Variants in PCDHA2 observed in about 807,000 individuals in gnomAD.
PCDHA2 encodes protocadherin alpha-2.
PCDHA2 carries 58 observed loss-of-function variants against 66.0 expected under a neutral mutation model. That is an observed-to-expected ratio of 0.88 (90% CI 0.71 to 1.09). The LOEUF is 1.09. Among genes scored for constraint, PCDHA2 ranks in the 50% least tolerant of loss-of-function variants. The pLI is 0.00. For missense variants in PCDHA2, 1,267 were observed against 1,242.3 expected, an observed-to-expected ratio of 1.02 and a Z score of -0.30; for synonymous variants, 634 against 554.0, an observed-to-expected ratio of 1.14 and a Z score of -2.03.
chr5:140,973,631 A>G (rs1554235456), intron 1 of PCDHA2, among the ~76,000 whole-genome samples: 1 of 152,210 alleles, frequency 6.6e-6, no homozygotes, highest in African/African-American at 2.4e-5. Flanking sequence ...TGTATCTTGT[A>G]CACATTCTGA....
At chr5:140,809,122 C>T (rs1764370470) in intron 1 of PCDHA2, 7 of 1,613,994 alleles carry the variant, frequency 4.3e-6, no homozygotes, top group Non-Finnish European at 5.9e-6. Flanking sequence ...CTCCGCGCCA[C>T]CGCCTACTGG....
At chr5:140,998,906 AG>A (rs1267220398) in intron 3 of PCDHA2, among the ~76,000 whole-genome samples, 10 of 152,208 alleles carry the variant, frequency 6.6e-5, no homozygotes, top group Non-Finnish European at 1.5e-5. Context: ...TGCCTCCGGG[AG>A]GTAGCTATTA....
Position 140,875,195 on chromosome 5 carries a change from G to A in PCDHA2, c.2388+77843G>A, listed in dbSNP as rs1554167540. On this transcript the variant is annotated intron_variant, in intron 1 of 3. Transcript: ENST00000526136. ...AACATTAGAATTAAGAGTGACCCAG[G>A]AAGTGGCTAAACCGAAAAGAACCTC... is the stretch of plus-strand genomic sequence containing the variant. The A allele has an allele frequency of 1.5e-5, 8 of 526,354 alleles. No individual in the cohort carries two copies. The Admixed American group carries it at 1.6e-4, about 10-fold the overall frequency. 32.6% of individuals were successfully genotyped at this position (526,354 alleles called of 1,614,324 possible). A position where few individuals can be genotyped will look rare whatever the true frequency, so the allele number is the denominator to read the frequency against.
chr5:140,970,425 C>T (rs1554232453), intron 1 of PCDHA2, among the ~76,000 whole-genome samples: 1 of 151,722 alleles, frequency 6.6e-6, no homozygotes, highest in Non-Finnish European at 1.5e-5. Flanking sequence ...GGTGTAGAGG[C>T]AGGTGTTAGT....
At chr5:140,802,031 G>A (rs1762832590) in intron 1 of PCDHA2, 2 of 1,614,152 alleles carry the variant, frequency 1.2e-6, no homozygotes, top group Non-Finnish European at 1.7e-6. Context: ...AGGATATCGC[G>A]TATTCTTTCA....
chr5:140,833,743 A>G (rs1554133938), intron 1 of PCDHA2, among the ~76,000 whole-genome samples: 1 of 114,690 alleles, frequency 8.7e-6, no homozygotes, highest in African/African-American at 3.3e-5. Flanking sequence ...CTTGCCTCCT[A>G]AAAAGAAAAC....
In PCDHA2 at chr5:140,876,415, G is replaced by C. The variant is rs782679956; in HGVS notation, c.2388+79063G>C. 3 of 1,613,842 alleles carry C rather than the reference G, an allele frequency of 1.9e-6. No individual in the cohort carries two copies. The African/African-American group carries it at 4.0e-5, about 22-fold the overall frequency. On this transcript the variant is annotated intron_variant, in intron 1 of 3. Transcript: ENST00000526136. ...TGAACTGGATTTTGAAGAGAATAATGCCTATGAAATTCAGGTTAACGCCAT... is the reference window on the plus strand; with the variant it reads ...TGAACTGGATTTTGAAGAGAATAATCCCTATGAAATTCAGGTTAACGCCAT...
rs1421975943 is a variant in PCDHA2 at position 140,853,700 on chromosome 5, G to A, written c.2388+56348G>A. 8.1e-6 allele frequency: 8 copies of A among 987,678 alleles called. 1 individual carries two copies. Among genetic ancestry groups the A allele is most frequent in the Admixed American group, 6.3e-5 (1 of 15,866 alleles). The allele number at this position is 987,678 out of a possible 1,614,324, so 61.2% of individuals were successfully genotyped here. The stretch of plus-strand genomic sequence containing the variant: ...TCAACCTATCCTTAGACCTGCTAAC[G>A]CATTAGCATTAGCAGCACCTAAGTC... On this transcript the variant is annotated intron_variant, in intron 1 of 3. Coordinates refer to ENST00000526136, the MANE Select transcript of PCDHA2 (RefSeq NM_018905.3).
intron 1 of PCDHA2, chr5:140,877,636 C>T (rs1554169939): frequency 1.2e-6 from 2 of 1,613,640 alleles, no homozygotes; most frequent in Admixed American, 1.7e-5. Context: ...CACTGCGCTG[C>T]GTTGCTCAGC....
At chr5:140,987,124 G>T (rs2097230182) in intron 3 of PCDHA2, among the ~76,000 whole-genome samples, 1 of 151,678 alleles carries the variant, frequency 6.6e-6, no homozygotes, top group Non-Finnish European at 1.5e-5. Flanking sequence ...TGAGGCAGGA[G>T]AATTGCTTGA....
intron 1 of PCDHA2, among the ~76,000 whole-genome samples, chr5:140,890,187 CAG>C (rs2062529084): frequency 1.3e-5 from 2 of 152,228 alleles, no homozygotes; most frequent in South Asian, 4.1e-4. Context: ...TGCTACAAAA[CAG>C]AGTTTTTTGT....
At position 140,870,131 on chromosome 5, in the gene PCDHA2, A is replaced by G. The variant is rs782486118; in HGVS notation, c.2388+72779A>G. The G allele has an allele frequency of 2.6e-5, 42 of 1,613,870 alleles. No individual in the cohort carries two copies. In the Admixed American group the frequency reaches 4.2e-4, roughly 16 times the overall value. On this transcript the variant is annotated intron_variant, in intron 1 of 3. Coordinates refer to ENST00000526136, the MANE Select transcript of PCDHA2 (RefSeq NM_018905.3). Reference sequence around the variant, plus strand: ...GTCTGGGTGGAAATCTTGGACACCAACGATAACTCTCCTGAAGTCGCCGTG... The same window carrying G: ...GTCTGGGTGGAAATCTTGGACACCAGCGATAACTCTCCTGAAGTCGCCGTG...
At chr5:140,947,302 C>G (rs1390442873) in intron 1 of PCDHA2, among the ~76,000 whole-genome samples, 2 of 151,504 alleles carry the variant, frequency 1.3e-5, no homozygotes, top group Non-Finnish European at 3.0e-5. Flanking sequence ...ATCTTGACAT[C>G]TTTGTAAAAA....
rs1554140265 is a variant in PCDHA2 at position 140,843,611 on chromosome 5, C to T, written c.2388+46259C>T. ...GCAGAGGGTGTGCTCTGGTGAGGGG[C>T]CACCGAAGACGGACCTCATGGCCTT... On this transcript the variant is annotated intron_variant, in intron 1 of 3. Coordinates refer to ENST00000526136, the MANE Select transcript of PCDHA2 (RefSeq NM_018905.3). 7 of 1,595,892 alleles carry T rather than the reference C, an allele frequency of 4.4e-6. 1 individual carries two copies. Among genetic ancestry groups the T allele is most frequent in the Non-Finnish European group, 6.0e-6 (7 of 1,165,418 alleles).
intron 1 of PCDHA2, chr5:140,876,879 G>T (rs782299548): frequency 6.2e-7 from 1 of 1,614,150 alleles, no homozygotes; most frequent in Non-Finnish European, 8.5e-7. Context: ...AGAACAACCC[G>T]CCGGGCTGCC....
chr5:140,875,928 T>C (rs782425352), intron 1 of PCDHA2: 1 of 1,614,188 alleles, frequency 6.2e-7, no homozygotes, highest in South Asian at 1.1e-5. Flanking sequence ...ACTCTCATTT[T>C]CCTCTAGAGG....
rs782766953 is a variant in PCDHA2 at position 140,875,544 on chromosome 5, G to C, written c.2388+78192G>C. On this transcript the variant is annotated intron_variant, in intron 1 of 3. Coordinates refer to ENST00000526136, the MANE Select transcript of PCDHA2 (RefSeq NM_018905.3). ...TCTCGCTTCTGCTCCTTGCAGCCTG[G>C]GAGGTGGGGAGCGGCCAGCTCCACT... 9.0e-5 allele frequency: 146 copies of C among 1,614,052 alleles called. No homozygotes were observed. The East Asian group carries it at 3.2e-3, about 36-fold the overall frequency.
At chr5:141,003,982 G>A (rs914206731) in intron 3 of PCDHA2, among the ~76,000 whole-genome samples, 25 of 152,152 alleles carry the variant, frequency 1.6e-4, no homozygotes, top group African/African-American at 5.6e-4. Flanking sequence ...GGGACTTGCC[G>A]GAGATCCTAG....
intron 1 of PCDHA2, among the ~76,000 whole-genome samples, chr5:140,974,864 C>T (rs949061887): frequency 6.6e-6 from 1 of 152,124 alleles, no homozygotes; most frequent in Non-Finnish European, 1.5e-5. Flanking sequence ...TGCCTTAATG[C>T]GGAACAGTCT....
Sources: allele counts gnomAD v4.1 joint callset (sites outside exome capture counted in the v4.1 genomes callset), GRCh38; gene constraint gnomAD v4.1.1; transcripts MANE v1.5; gene names NCBI Gene and HGNC (gene_info 2026-07-23, HGNC 2026-07-21).